ADAM23: variants seen among roughly 807,000 people sequenced by gnomAD.
The protein encoded by ADAM23 is ADAM metallopeptidase domain 23.
ADAM23 carries 33 observed loss-of-function variants against 120.1 expected under a neutral mutation model. The ratio of observed to expected loss-of-function variants is 0.27; its 90% CI spans 0.21 to 0.37. The LOEUF is 0.37. Ranked by LOEUF, ADAM23 falls within the 10% of genes least tolerant of loss-of-function variation. The pLI, the probability that ADAM23 is intolerant of heterozygous loss-of-function variation, is 1.00. For missense variants in ADAM23, 862 were observed against 1,058.2 expected, an observed-to-expected ratio of 0.81 and a Z score of 2.57; for synonymous variants, 367 against 375.2, an observed-to-expected ratio of 0.98 and a Z score of 0.25.
At chr2:206,560,930 T>A (rs906491166) in intron 11 of ADAM23, among the ~76,000 whole-genome samples, 198 bp from the exon 12 acceptor site, 1 of 152,220 alleles carries the variant, frequency 6.6e-6, no homozygotes. Flanking sequence ...ACTTGGTGCT[T>A]GCTCAATTGA....
intron 3 of ADAM23, among the ~76,000 whole-genome samples, chr2:206,497,840 G>A (rs1003652572): frequency 2.0e-5 from 3 of 152,090 alleles, no homozygotes; most frequent in African/African-American, 7.2e-5. Flanking sequence ...AAAATCACAA[G>A]CATTCTTATA....
At chr2:206,550,187 A>C (rs1697484128) in intron 9 of ADAM23, 27 bp downstream of exon 9, 1 of 1,372,166 alleles carries the variant, frequency 7.3e-7, no homozygotes, top group African/African-American at 1.5e-5. Context: ...AGTGGGTTTT[A>C]GAACAGATAG....
chr2:206,524,171 A>G (rs1351620010), intron 3 of ADAM23, among the ~76,000 whole-genome samples: 7 of 152,176 alleles, frequency 4.6e-5, no homozygotes, highest in Non-Finnish European at 1.0e-4. Context: ...TCTAGATATC[A>G]TTTAATTTTT....
chr2:206,473,846 A>G (rs541458167), intron 2 of ADAM23, among the ~76,000 whole-genome samples: 1 of 151,654 alleles, frequency 6.6e-6, no homozygotes, highest in Non-Finnish European at 1.5e-5. Context: ...CATCTCTATG[A>G]AAAAATAAAT....
intron 9 of ADAM23, among the ~76,000 whole-genome samples, chr2:206,554,102 G>T (rs1302751391): frequency 6.6e-6 from 1 of 151,948 alleles, no homozygotes; most frequent in Non-Finnish European, 1.5e-5. Context: ...ATTCATGCAG[G>T]AAATAGAAAC....
At chr2:206,467,693 T>C (rs1254492339) in intron 2 of ADAM23, among the ~76,000 whole-genome samples, 1 of 152,198 alleles carries the variant, frequency 6.6e-6, no homozygotes, top group African/African-American at 2.4e-5. Context: ...ACAGCTCAAC[T>C]AGGCAGTACC....
At chr2:206,552,141 T>C (rs1230757086) in intron 9 of ADAM23, among the ~76,000 whole-genome samples, 1 of 152,168 alleles carries the variant, frequency 6.6e-6, no homozygotes, top group African/African-American at 2.4e-5. Context: ...AAGCCTAAGC[T>C]TTTTTCAACA....
chr2:206,461,489 T>C (rs2105859799), intron 2 of ADAM23, among the ~76,000 whole-genome samples: 1 of 152,350 alleles, frequency 6.6e-6, no homozygotes, highest in Admixed American at 6.5e-5. Flanking sequence ...AAGACACTTA[T>C]ATCTAGATTT....
rs573524156 is a variant in ADAM23, at chr2:206,484,806, G to T, written c.509+3498G>T. Among the ~76,000 whole-genome samples, 9 of 152,242 alleles carry T rather than the reference G, an allele frequency of 5.9e-5. No individual in the cohort carries two copies. In the South Asian group the frequency reaches 1.9e-3, roughly 32 times the overall value. On this transcript the variant is annotated intron_variant, in intron 3 of 25. Coordinates refer to ENST00000264377, the MANE Select transcript of ADAM23 (RefSeq NM_003812.4). ...GCTTTCATAATCCCCATGTGTCATGGGAGGGCCCCAGTGGGAGGTAACTGA... is the reference window on the plus strand; with the variant it reads ...GCTTTCATAATCCCCATGTGTCATGTGAGGGCCCCAGTGGGAGGTAACTGA...
chr2:206,450,691 A>T (rs1695174977), intron 2 of ADAM23, among the ~76,000 whole-genome samples: 1 of 152,180 alleles, frequency 6.6e-6, no homozygotes, highest in Non-Finnish European at 1.5e-5. Flanking sequence ...AATGTCTCTC[A>T]CTGCTACCCA....
intron 2 of ADAM23, among the ~76,000 whole-genome samples, chr2:206,471,627 A>T (rs976501932): frequency 1.1e-4 from 16 of 152,154 alleles, no homozygotes; most frequent in Admixed American, 6.5e-5. Flanking sequence ...TAAATTATTT[A>T]GTGGGTGTTC....
intron 3 of ADAM23, among the ~76,000 whole-genome samples, chr2:206,504,828 T>C (rs1444359828): frequency 1.3e-5 from 2 of 152,182 alleles, no homozygotes; most frequent in Non-Finnish European, 2.9e-5. Context: ...CCTTTACTAA[T>C]AGGGACAGTA....
chr2:206,601,720 G>A (rs1310160467), intron 24 of ADAM23, among the ~76,000 whole-genome samples: 1 of 149,458 alleles, frequency 6.7e-6, no homozygotes, highest in Non-Finnish European at 1.5e-5. Context: ...GTTGCAGTGA[G>A]CCAAGATCAC....
At chr2:206,498,278 G>T (rs1696302835) in intron 3 of ADAM23, among the ~76,000 whole-genome samples, 1 of 152,150 alleles carries the variant, frequency 6.6e-6, no homozygotes, top group Non-Finnish European at 1.5e-5. Context: ...AACCAAAACA[G>T]CATGTTACTG....
intron 24 of ADAM23, among the ~76,000 whole-genome samples, chr2:206,603,351 A>G (rs1484310904): frequency 1.3e-5 from 2 of 152,248 alleles, no homozygotes; most frequent in African/African-American, 2.4e-5. Flanking sequence ...AAAGTTCAGC[A>G]CTCTCTAAAG....
intron 14 of ADAM23, 72 bp from the exon 15 acceptor site, chr2:206,567,151 G>A: frequency 1.7e-6 from 2 of 1,150,886 alleles, no homozygotes; most frequent in Non-Finnish European, 2.6e-6. Flanking sequence ...TTCTAATTTA[G>A]GGGTTTTAAT....
At chr2:206,562,070 C>T (rs1350460601) in intron 12 of ADAM23, 133 bp from the exon 13 acceptor site, 6 of 668,708 alleles carry the variant, frequency 9.0e-6, no homozygotes, top group South Asian at 2.1e-5. Context: ...TGAGAAGTAG[C>T]ATATGCCATC....
At chr2:206,583,218 G>A (rs1698253021) in intron 18 of ADAM23, among the ~76,000 whole-genome samples, 2 of 152,288 alleles carry the variant, frequency 1.3e-5, no homozygotes, top group South Asian at 2.1e-4. Context: ...ACTTTGGGAG[G>A]CCAAGGCGGG....
rs574833469 is a variant in ADAM23, at chr2:206,569,334, G to A, written c.1495-1406G>A. On this transcript the variant is annotated intron_variant, in intron 15 of 25. Transcript: ENST00000264377. ...CTATAAATCATCTATTTTTTAAAAAGTTAGTAAATATGGAATTATGTCTTT... is the reference window on the plus strand; with the variant it reads ...CTATAAATCATCTATTTTTTAAAAAATTAGTAAATATGGAATTATGTCTTT... Among the ~76,000 whole-genome samples, 5 of 151,336 alleles carry A rather than the reference G, an allele frequency of 3.3e-5. No individual in the cohort carries two copies. The East Asian group carries it at 7.7e-4, about 23-fold the overall frequency.
Sources: gnomAD v4.1 joint callset for allele counts (sites outside exome capture counted in the v4.1 genomes callset) on GRCh38, gnomAD v4.1.1 for gene constraint, MANE v1.5 for transcripts, NCBI Gene and HGNC (gene_info 2026-07-23, HGNC 2026-07-21) for gene names.